The following SLMAP variants were observed in gnomAD, a reference collection of about 807,000 sequenced individuals.
SLMAP encodes the protein sarcolemmal membrane-associated protein.
A neutral mutation model predicts 128.8 loss-of-function variants in SLMAP; 44 were observed. The observed-to-expected ratio is 0.34, with a 90% CI of 0.27 to 0.44. The LOEUF (loss-of-function observed/expected upper bound fraction) is 0.44. Ranked by LOEUF, SLMAP falls within the 20% of genes least tolerant of loss-of-function variation. The pLI is 1.00. For synonymous variants in SLMAP, 327 were observed against 348.8 expected, an observed-to-expected ratio of 0.94 and a Z score of 0.70; for missense variants, 787 against 985.3, an observed-to-expected ratio of 0.80 and a Z score of 2.69.
chr3:57,794,202 G>T (rs897994311), intron 2 of SLMAP, among the ~76,000 whole-genome samples: 1 of 152,098 alleles, frequency 6.6e-6, no homozygotes, highest in African/African-American at 2.4e-5. Flanking sequence ...TCTTTAGTGT[G>T]CATTTTAATA....
intron 2 of SLMAP, among the ~76,000 whole-genome samples, chr3:57,761,873 C>G (rs1481142049): frequency 1.3e-5 from 2 of 148,318 alleles, no homozygotes; most frequent in African/African-American, 5.0e-5. Flanking sequence ...AGGTGAAACC[C>G]CGTCTCTACT....
intron 21 of SLMAP, among the ~76,000 whole-genome samples, chr3:57,915,132 T>C (rs556406743): frequency 2.0e-4 from 30 of 152,320 alleles, no homozygotes; most frequent in South Asian, 4.1e-4. Flanking sequence ...CCTCCCTAAG[T>C]GCTGGGATTA....
At chr3:57,759,276 AT>A (rs2078159459) in intron 2 of SLMAP, among the ~76,000 whole-genome samples, 1 of 149,256 alleles carries the variant, frequency 6.7e-6, no homozygotes, top group Non-Finnish European at 1.5e-5. Context: ...ATTACTCGTA[AT>A]CCTTTTTTTT....
Position 57,816,180 on chromosome 3 carries a change from G to T in SLMAP, c.199-15203G>T, listed in dbSNP as rs1046414759. On this transcript the variant is annotated intron_variant, in intron 2 of 24. Coordinates refer to ENST00000671191, the MANE Select transcript of SLMAP (RefSeq NM_001377540.1). The stretch of plus-strand genomic sequence containing the variant: ...TTGTTTTGAGACGGAGTCTTACTTT[G>T]TCGCCCAGGCTGGAGTACAGTGATG... Among the ~76,000 whole-genome samples the T allele has an allele frequency of 5.3e-5, 8 of 151,926 alleles. No homozygotes were observed. The East Asian group carries it at 5.8e-4, about 11-fold the overall frequency.
intron 19 of SLMAP, among the ~76,000 whole-genome samples, chr3:57,909,930 A>T (rs1381783311): frequency 4.1e-5 from 6 of 147,906 alleles, no homozygotes; most frequent in Admixed American, 1.3e-4. Context: ...TTTTTTTTTT[A>T]AAGAAAATTC....
At chr3:57,906,498 G>T (rs542625767) in intron 17 of SLMAP, among the ~76,000 whole-genome samples, 1 of 147,498 alleles carries the variant, frequency 6.8e-6, no homozygotes, top group Non-Finnish European at 1.5e-5. Flanking sequence ...AGTATTTTTA[G>T]TAGAGACGGG....
Position 57,757,856 on chromosome 3 carries a change from T to TCACCA in SLMAP, c.198+10_198+14dup. On this transcript the variant is annotated splice_region_variant and intron_variant, in intron 2 of 24. Coordinates refer to ENST00000671191, the MANE Select transcript of SLMAP (RefSeq NM_001377540.1). ...TGATCACAAGACGGGCAAGGTAATGTCACCACATTGTCCAGCGGCATTGTT... is the reference window on the plus strand; with the variant it reads ...TGATCACAAGACGGGCAAGGTAATGTCACCACACCACATTGTCCAGCGGCATTGTT... The TCACCA allele has an allele frequency of 6.2e-7, 1 of 1,613,600 alleles. No individual in the cohort carries two copies. The highest frequency in any genetic ancestry group is 8.5e-7 in the Non-Finnish European group (1 of 1,179,546).
At chr3:57,765,851 T>A (rs1408430870) in intron 2 of SLMAP, among the ~76,000 whole-genome samples, 1 of 152,234 alleles carries the variant, frequency 6.6e-6, no homozygotes, top group Admixed American at 6.5e-5. Context: ...AGTGGGAAAT[T>A]GATAAAATAT....
chr3:57,908,792 A>T (rs1448873880), intron 18 of SLMAP, among the ~76,000 whole-genome samples: 1 of 152,254 alleles, frequency 6.6e-6, no homozygotes, highest in Non-Finnish European at 1.5e-5. Flanking sequence ...GCTGATTAAC[A>T]ATTATCAAGA....
At chr3:57,785,505 A>G (rs1266156255) in intron 2 of SLMAP, among the ~76,000 whole-genome samples, 1 of 152,224 alleles carries the variant, frequency 6.6e-6, no homozygotes, top group African/African-American at 2.4e-5. Context: ...CTAAATTATC[A>G]TGATTTAAAG....
At chr3:57,802,412 G>A (rs2088748515) in intron 2 of SLMAP, among the ~76,000 whole-genome samples, 1 of 151,858 alleles carries the variant, frequency 6.6e-6, no homozygotes, top group South Asian at 2.1e-4. Flanking sequence ...TGAATAACTG[G>A]GATTACAGGC....
intron 15 of SLMAP, among the ~76,000 whole-genome samples, chr3:57,891,824 G>A (rs1017402387): frequency 6.6e-6 from 1 of 152,048 alleles, no homozygotes; most frequent in Non-Finnish European, 1.5e-5. Flanking sequence ...TGATCCACCC[G>A]CCTCGGCCTC....
At chr3:57,798,494 T>G (rs1372953123) in intron 2 of SLMAP, among the ~76,000 whole-genome samples, 1 of 152,190 alleles carries the variant, frequency 6.6e-6, no homozygotes, top group Non-Finnish European at 1.5e-5. Flanking sequence ...AGGTTGTAGC[T>G]ATTTTTCCTC....
At chr3:57,822,901 C>G (rs2092633059) in intron 2 of SLMAP, among the ~76,000 whole-genome samples, 2 of 152,178 alleles carry the variant, frequency 1.3e-5, no homozygotes, top group South Asian at 4.1e-4. Context: ...ATAACAGAGA[C>G]TTCAGTGACC....
chr3:57,834,387 T>C (rs953188826), intron 3 of SLMAP, among the ~76,000 whole-genome samples: 18 of 151,870 alleles, frequency 1.2e-4, no homozygotes, highest in Non-Finnish European at 1.0e-4. Context: ...AGCGAAAATA[T>C]ACAAGATGAG....
chr3:57,778,538 T>C (rs1480101174), intron 2 of SLMAP, among the ~76,000 whole-genome samples: 1 of 150,518 alleles, frequency 6.6e-6, no homozygotes, highest in African/African-American at 2.4e-5. Context: ...TTTAATTTCC[T>C]CCTCTTTTTC....
chr3:57,913,418 C>T (rs2096739944), intron 21 of SLMAP, 143 bp downstream of exon 21: 5 of 509,720 alleles, frequency 9.8e-6, no homozygotes, highest in Non-Finnish European at 1.8e-5. Flanking sequence ...GGCAGGTTAA[C>T]CATACTGAAT....
chr3:57,906,674 AAT>A (rs71091317), intron 17 of SLMAP, among the ~76,000 whole-genome samples: 2,897 of 67,396 alleles, frequency 0.043, 73 homozygotes, highest in African/African-American at 0.12. Flanking sequence ...ATGAAAAAAA[AAT>A]ATATATATAT....
intron 2 of SLMAP, among the ~76,000 whole-genome samples, chr3:57,820,605 C>T (rs1415485532): frequency 6.6e-6 from 1 of 152,184 alleles, no homozygotes; most frequent in Non-Finnish European, 1.5e-5. Context: ...GCTTTCTTTG[C>T]CTTGCAGGGT....
Sources: allele counts gnomAD v4.1 joint callset (sites outside exome capture counted in the v4.1 genomes callset), GRCh38; gene constraint gnomAD v4.1.1; transcripts MANE v1.5; gene names NCBI Gene and HGNC (gene_info 2026-07-23, HGNC 2026-07-21).